Variants in ARHGEF3 observed in about 807,000 individuals in gnomAD.
ARHGEF3 encodes Rho guanine nucleotide exchange factor 3.
In ARHGEF3, 28 loss-of-function variants were observed where a neutral mutation model predicts 63.2. The ratio of observed to expected loss-of-function variants is 0.44; its 90% CI spans 0.33 to 0.61. ARHGEF3 has a LOEUF of 0.61. ARHGEF3 is among the 20% of genes least tolerant of loss of function. The pLI, the probability that ARHGEF3 is intolerant of heterozygous loss-of-function variation, is 0.03. For missense variants in ARHGEF3, 533 were observed against 659.3 expected (o/e 0.81, Z 2.10); for synonymous variants, 266 against 254.2 (o/e 1.05, Z -0.44).
At chr3:56,933,177 C>T (rs975361214) in intron 3 of ARHGEF3, among the ~76,000 whole-genome samples, 8 of 152,176 alleles carry the variant, frequency 5.3e-5, no homozygotes, top group Non-Finnish European at 1.2e-4. Context: ...ATAGAATGTT[C>T]AAGAATATAT....
At chr3:57,012,449 G>A (rs144133302) in intron 2 of ARHGEF3, among the ~76,000 whole-genome samples, 268 of 152,226 alleles carry the variant, frequency 1.8e-3, no homozygotes, top group African/African-American at 6.1e-3. Context: ...AGTAGCGACG[G>A]GGTTTCACAA....
chr3:56,751,013 T>G, intron 6 of ARHGEF3, 43 bp downstream of exon 6: 1 of 1,464,280 alleles, frequency 6.8e-7, no homozygotes, highest in Non-Finnish European at 9.3e-7. Flanking sequence ...CCCATCTATA[T>G]TATTGAAATT....
Position 57,051,886 on chromosome 3 carries a change from C to A in ARHGEF3, c.-27-16710G>T, listed in dbSNP as rs114303347. The stretch of plus-strand genomic sequence containing the variant: ...GGCTGAGACAGGAGAATCGCTTGAA[C>A]TGGGGAGACAAGGTTGCAGTAAGCC... On this transcript the variant is annotated intron_variant, in intron 1 of 12. Transcript: ENST00000338458. 4.5e-3 allele frequency among the ~76,000 whole-genome samples: 692 copies of A among 152,210 alleles called. 3 individuals carry two copies. The highest frequency in any genetic ancestry group is 0.01 in the Middle Eastern group (3 of 294).
At chr3:57,034,068 TA>T (rs1335563667) in intron 2 of ARHGEF3, among the ~76,000 whole-genome samples, 1 of 151,984 alleles carries the variant, frequency 6.6e-6, no homozygotes, top group African/African-American at 2.4e-5. Flanking sequence ...ATAAATAAAT[TA>T]AATTAAATTA....
intron 2 of ARHGEF3, among the ~76,000 whole-genome samples, chr3:56,762,059 G>A (rs2035450467): frequency 6.6e-6 from 1 of 152,078 alleles, no homozygotes; most frequent in Non-Finnish European, 1.5e-5. Context: ...CATCATCTTT[G>A]CCCTCTAACC....
At chr3:56,964,816 G>T (rs1256325454) in intron 2 of ARHGEF3, among the ~76,000 whole-genome samples, 1 of 152,042 alleles carries the variant, frequency 6.6e-6, no homozygotes, top group African/African-American at 2.4e-5. Flanking sequence ...GATGAGAAAA[G>T]GGAAAAGTAG....
chr3:56,926,486 A>G lies in ARHGEF3; in HGVS notation c.129+32337T>C, dbSNP rs538063939. On this transcript the variant is annotated intron_variant, in intron 3 of 12. Coordinates refer to the ARHGEF3 transcript ENST00000338458. Reference sequence around the variant, plus strand: ...AGATGCTTTTCCTATGTATTTTTAAAGTACACAAACATAAATATATTTGCT... The same window carrying G: ...AGATGCTTTTCCTATGTATTTTTAAGGTACACAAACATAAATATATTTGCT... Among the ~76,000 whole-genome samples the G allele has an allele frequency of 1.1e-4, 17 of 152,380 alleles. 1 individual carries two copies. Among genetic ancestry groups the G allele is most frequent in the South Asian group, 4.1e-4 (2 of 4,826 alleles).
chr3:56,991,771 C>G (rs1279103726), intron 2 of ARHGEF3, among the ~76,000 whole-genome samples: 2 of 152,052 alleles, frequency 1.3e-5, no homozygotes, highest in Admixed American at 6.6e-5. Context: ...CATGCCACCA[C>G]GAGCAGCTAA....
At chr3:56,788,389 G>A (rs1006751887) in intron 1 of ARHGEF3, among the ~76,000 whole-genome samples, 2 of 152,136 alleles carry the variant, frequency 1.3e-5, no homozygotes, top group Non-Finnish European at 2.9e-5. Context: ...GTTCCTTGAG[G>A]ACAGAAAGCA....
chr3:56,875,413 T>G (rs2040553682), intron 4 of ARHGEF3, among the ~76,000 whole-genome samples: 2 of 152,202 alleles, frequency 1.3e-5, no homozygotes, highest in Admixed American at 1.3e-4. Flanking sequence ...ACTCATTCAT[T>G]CATTCATTCA....
At chr3:56,768,775 G>A (rs2035854098) in intron 2 of ARHGEF3, among the ~76,000 whole-genome samples, 1 of 152,116 alleles carries the variant, frequency 6.6e-6, no homozygotes, top group African/African-American at 2.4e-5. Context: ...TCCCCCAGGA[G>A]GCTGTAATGG....
At chr3:57,041,913 A>C (rs2107260470) in intron 1 of ARHGEF3, among the ~76,000 whole-genome samples, 1 of 152,314 alleles carries the variant, frequency 6.6e-6, no homozygotes, top group South Asian at 2.1e-4. Flanking sequence ...CCAGTGGCCA[A>C]GAAACATGAC....
chr3:57,000,310 C>CACACACACACACACA lies in ARHGEF3; in HGVS notation c.62+34777_62+34778insTGTGTGTGTGTGTGT, dbSNP rs1560120499. ...AAGTCCTTTTTTTAGAGGGTAACTC[C>CACACACACACACACA]CACACACACACACACACACACACAC... is the stretch of plus-strand genomic sequence containing the variant. On this transcript the variant is annotated intron_variant, in intron 2 of 12. Coordinates refer to the ARHGEF3 transcript ENST00000338458. Among the ~76,000 whole-genome samples the CACACACACACACACA allele has an allele frequency of 3.3e-3, 455 of 139,248 alleles. 5 individuals carry two copies. Among genetic ancestry groups the CACACACACACACACA allele is most frequent in the African/African-American group, 0.011 (416 of 36,378 alleles). The allele number at this position is 139,248 out of a possible 152,430, so 91.4% of individuals were successfully genotyped here. A position where few individuals can be genotyped will look rare whatever the true frequency, so the allele number is the denominator to read the frequency against.
intron 1 of ARHGEF3, chr3:57,074,777 A>G (rs1706132591): frequency 5.7e-6 from 1 of 176,862 alleles, no homozygotes; most frequent in South Asian, 1.7e-4. Flanking sequence ...AAGTCTTACA[A>G]TGTGCAGGAT....
intron 1 of ARHGEF3, among the ~76,000 whole-genome samples, chr3:56,792,133 GAAAAGAAAAGAAAAT>G (rs1479955588): frequency 1.4e-4 from 21 of 146,522 alleles, no homozygotes; most frequent in African/African-American, 2.6e-4. Flanking sequence ...GAAAAGAAAA[GAAAAGAAAAGAAAAT>G]AACTGACTAC....
chr3:56,929,668 G>A (rs370768931), intron 3 of ARHGEF3, among the ~76,000 whole-genome samples: 5 of 152,284 alleles, frequency 3.3e-5, no homozygotes, highest in African/African-American at 9.6e-5. Flanking sequence ...TGTTTCCATA[G>A]TCACGGTGAC....
intron 3 of ARHGEF3, among the ~76,000 whole-genome samples, chr3:56,917,289 G>C (rs898784761): frequency 1.3e-5 from 2 of 152,186 alleles, no homozygotes; most frequent in African/African-American, 4.8e-5. Context: ...CTCCAGTGTA[G>C]TTCTCAATTA....
At chr3:57,062,554 A>G (rs1460605926) in intron 1 of ARHGEF3, among the ~76,000 whole-genome samples, 1 of 152,208 alleles carries the variant, frequency 6.6e-6, no homozygotes, top group African/African-American at 2.4e-5. Context: ...CTACAATAGC[A>G]AAAGATTGGA....
At chr3:57,038,966 T>A (rs1579144287) in intron 1 of ARHGEF3, among the ~76,000 whole-genome samples, 1 of 152,188 alleles carries the variant, frequency 6.6e-6, no homozygotes, top group Non-Finnish European at 1.5e-5. Flanking sequence ...CAGCATGGGC[T>A]TTTTCCCCAC....
Sources: gnomAD v4.1 joint callset for allele counts (sites outside exome capture counted in the v4.1 genomes callset) on GRCh38, gnomAD v4.1.1 for gene constraint, MANE v1.5 for transcripts, NCBI Gene and HGNC (gene_info 2026-07-23, HGNC 2026-07-21) for gene names.